The following TGS1 variants were observed in gnomAD, a reference collection of about 807,000 sequenced individuals.
The protein encoded by TGS1 is trimethylguanosine synthase.
In TGS1, 69 loss-of-function variants were observed where a neutral mutation model predicts 92.2. The observed-to-expected ratio is 0.75, with a 90% CI of 0.62 to 0.91. TGS1 has a LOEUF of 0.91. Ranked by LOEUF, TGS1 falls within the 40% of genes least tolerant of loss-of-function variation. TGS1 has a pLI of 0.00. For synonymous variants in TGS1, 345 were observed against 338.1 expected, an observed-to-expected ratio of 1.02 and a Z score of -0.22; for missense variants, 1,062 against 1,001.2, an observed-to-expected ratio of 1.06 and a Z score of -0.82.
At position 55,782,689 on chromosome 8, in the gene TGS1, T is replaced by G. The variant is rs113433026; in HGVS notation, c.102-59T>G. ...TAATCTATGATGGCTCGAGATTTCT[T>G]TCCCTCTAAACTGATGGCTTAATTC... On this transcript the variant is annotated intron_variant, in intron 1 of 12. Coordinates refer to ENST00000260129, the MANE Select transcript of TGS1 (RefSeq NM_024831.8). 4.0e-5 allele frequency: 52 copies of G among 1,311,076 alleles called. 3 individuals carry two copies. The African/African-American group carries it at 4.1e-4, about 10-fold the overall frequency. The allele number at this position is 1,311,076 out of a possible 1,614,324, so 81.2% of individuals were successfully genotyped here.
At chr8:55,787,118 G>A in intron 4 of TGS1, 58 bp downstream of exon 4, 1 of 1,197,620 alleles carries the variant, frequency 8.3e-7, no homozygotes, top group Non-Finnish European at 1.2e-6. Context: ...AATTCATTTA[G>A]CAAAATAACT....
At chr8:55,794,372 T>C (rs1286948911) in intron 6 of TGS1, among the ~76,000 whole-genome samples, 1 of 152,206 alleles carries the variant, frequency 6.6e-6, no homozygotes, top group African/African-American at 2.4e-5. Context: ...TTCCTTCTTA[T>C]TGCTGAATAG....
chr8:55,790,470 C>T (rs144101005), intron 5 of TGS1, among the ~76,000 whole-genome samples, 171 bp downstream of exon 5: 41 of 151,824 alleles, frequency 2.7e-4, no homozygotes, highest in African/African-American at 9.4e-4. Context: ...TGGTTAAGGC[C>T]GAACTCTGCC....
chr8:55,795,695 CTATT>C (rs1347964126), intron 6 of TGS1, among the ~76,000 whole-genome samples: 1 of 151,996 alleles, frequency 6.6e-6, no homozygotes, highest in Non-Finnish European at 1.5e-5. Context: ...GTTTGTTTTA[CTATT>C]TATTTATTGC....
At chr8:55,800,225 G>A (rs1338199069) in intron 8 of TGS1, among the ~76,000 whole-genome samples, 1 of 151,824 alleles carries the variant, frequency 6.6e-6, no homozygotes, top group Non-Finnish European at 1.5e-5. Context: ...ATTCTAAACA[G>A]CATACCTACA....
At chr8:55,808,420 C>T (rs1425796882) in intron 10 of TGS1, among the ~76,000 whole-genome samples, 1 of 152,068 alleles carries the variant, frequency 6.6e-6, no homozygotes, top group Non-Finnish European at 1.5e-5. Context: ...AACACCTGCT[C>T]CCTGATAAAG....
chr8:55,824,449 A>C, intron 12 of TGS1, 132 bp from the exon 13 acceptor site: 2 of 1,181,292 alleles, frequency 1.7e-6, no homozygotes, highest in Non-Finnish European at 2.4e-6. Context: ...AGCAGTGAAC[A>C]TTTGAGATGC....
intron 4 of TGS1, among the ~76,000 whole-genome samples, chr8:55,787,545 A>G (rs1811754719): frequency 6.6e-6 from 1 of 152,224 alleles, no homozygotes; most frequent in Admixed American, 6.5e-5. Flanking sequence ...CAGGATTCTC[A>G]TCAATAAAAT....
At chr8:55,785,502 C>G (rs1432341526) in intron 2 of TGS1, among the ~76,000 whole-genome samples, 2 of 152,026 alleles carry the variant, frequency 1.3e-5, no homozygotes, top group African/African-American at 4.8e-5. Context: ...GAGTTCAGAG[C>G]TTTTTAGTGC....
At chr8:55,822,788 G>A (rs1803686317) in intron 12 of TGS1, among the ~76,000 whole-genome samples, 1 of 151,896 alleles carries the variant, frequency 6.6e-6, no homozygotes. Context: ...AGAATGACTG[G>A]TTGCTTCTTC....
intron 7 of TGS1, 47 bp downstream of exon 7, chr8:55,796,199 T>C (rs1295865638): frequency 7.0e-7 from 1 of 1,424,042 alleles, no homozygotes; most frequent in East Asian, 2.3e-5. Context: ...TCATGTTTTG[T>C]AAGTTTGACC....
intron 9 of TGS1, among the ~76,000 whole-genome samples, chr8:55,803,787 G>A (rs1028822263): frequency 6.6e-6 from 1 of 151,026 alleles, no homozygotes; most frequent in Non-Finnish European, 1.5e-5. Flanking sequence ...CACCTCCCAG[G>A]CTAAAGCAAT....
chr8:55,793,417 G>A (rs1192820931), intron 6 of TGS1, among the ~76,000 whole-genome samples: 1 of 152,060 alleles, frequency 6.6e-6, no homozygotes, highest in Non-Finnish European at 1.5e-5. Flanking sequence ...ACTTCAGCCC[G>A]GGAGGTTGAG....
chr8:55,787,395 G>A (rs1389855524), intron 4 of TGS1, among the ~76,000 whole-genome samples: 2 of 152,172 alleles, frequency 1.3e-5, no homozygotes, highest in Non-Finnish European at 2.9e-5. Flanking sequence ...ATGTTAGAAA[G>A]CAATTGAGAA....
Position 55,786,698 on chromosome 8 carries a change from G to T in TGS1, c.800G>T (p.Ser267Ile). The change falls in exon 4 of 13, where the codon AGC becomes ATC. Residue 267 changes from serine (S) to isoleucine (I), a missense_variant. Physicochemically the swap from Ser to Ile is moderately radical, Grantham distance 142. Coordinates refer to ENST00000260129, the MANE Select transcript of TGS1 (RefSeq NM_024831.8). ...GGTTGGACTTTTGATGCCTCGCAAA[G>T]CTGTGATACAGATACTTACACATCT... ...AQGWTFDASQ[S>I]CDTDTYTSKT... 1 of 1,614,112 alleles carries T rather than the reference G, an allele frequency of 6.2e-7. No individual in the cohort carries two copies. Among genetic ancestry groups the T allele is most frequent in the East Asian group, 2.2e-5 (1 of 44,878 alleles).
At chr8:55,813,901 T>G (rs912736398) in intron 12 of TGS1, among the ~76,000 whole-genome samples, 1 of 152,202 alleles carries the variant, frequency 6.6e-6, no homozygotes, top group African/African-American at 2.4e-5. Flanking sequence ...TGCCTGTGCT[T>G]TAGAGTTTTA....
intron 1 of TGS1, among the ~76,000 whole-genome samples, chr8:55,774,139 A>T (rs1004174080): frequency 3.3e-5 from 5 of 152,232 alleles, no homozygotes; most frequent in African/African-American, 1.2e-4. Flanking sequence ...GCACATAATT[A>T]AAACTTCAAA....
Position 55,796,059 on chromosome 8 carries a change from C to A in TGS1, c.1449C>A (p.Asp483Glu). The A allele has an allele frequency of 6.2e-7, 1 of 1,612,542 alleles. No individual in the cohort carries two copies. The highest frequency in any genetic ancestry group is 8.5e-7 in the Non-Finnish European group (1 of 1,178,750). The change falls in exon 7 of 13, where the codon GAC becomes GAA. Residue 483 changes from aspartate to glutamate, a missense_variant. Physicochemically the swap from Asp to Glu is conservative, Grantham distance 45 (BLOSUM62 2). Transcript: ENST00000260129. ...TGAAGCTTAAGTCTAAGTACCTAGA[C>A]ATGCGCAGACAAATAAAGATGAAAA... is the stretch of plus-strand genomic sequence containing the variant. The part of the protein sequence containing the change: ...KNVKLKSKYL[D>E]MRRQIKMKNK...
intron 12 of TGS1, among the ~76,000 whole-genome samples, chr8:55,823,722 G>T (rs559098013): frequency 7.2e-5 from 11 of 152,120 alleles, no homozygotes; most frequent in Non-Finnish European, 1.6e-4. Context: ...AGATGAACAG[G>T]ACAAAGGCTT....
Sources: gnomAD v4.1 joint callset for allele counts (sites outside exome capture counted in the v4.1 genomes callset) on GRCh38, gnomAD v4.1.1 for gene constraint, MANE v1.5 for transcripts, NCBI Gene and HGNC (gene_info 2026-07-23, HGNC 2026-07-21) for gene names.